The following METTL25 variants were observed in gnomAD, a reference collection of about 807,000 sequenced individuals.
METTL25 encodes methyltransferase like 25, also known as probable methyltransferase-like protein 25.
In METTL25, 64 loss-of-function variants were observed where a neutral mutation model predicts 71.6. The observed-to-expected ratio is 0.89, with a 90% CI of 0.73 to 1.10. The LOEUF (loss-of-function observed/expected upper bound fraction) is 1.10, where lower values mean the gene tolerates loss of function less well. Ranked by LOEUF, METTL25 falls within the 50% of genes least tolerant of loss-of-function variation. METTL25 has a pLI of 0.00. For missense variants in METTL25, 807 were observed against 707.0 expected (o/e 1.14, Z -1.60); for synonymous variants, 287 against 250.3 (o/e 1.15, Z -1.38).
chr12:82,374,020 C>T (rs1236437830), intron 1 of METTL25: 3 of 156,638 alleles, frequency 1.9e-5, no homozygotes, highest in Non-Finnish European at 4.2e-5. Context: ...ATTGTTTGTT[C>T]CTCCCGGTGG....
At chr12:82,405,833 C>T (rs1287303524) in intron 5 of METTL25, among the ~76,000 whole-genome samples, 1 of 152,150 alleles carries the variant, frequency 6.6e-6, no homozygotes, top group Non-Finnish European at 1.5e-5. Context: ...CAGTACTAAG[C>T]ACATTCACTC....
At chr12:82,475,610 C>A (rs2137317255) in intron 9 of METTL25, among the ~76,000 whole-genome samples, 1 of 152,116 alleles carries the variant, frequency 6.6e-6, no homozygotes, top group South Asian at 2.1e-4. Flanking sequence ...TCCAGCCTTT[C>A]ATTTGTTCTG....
rs1406682191 is a variant in METTL25 at position 82,400,903 on chromosome 12, T to C, written c.1131+1509T>C. On this transcript the variant is annotated intron_variant, in intron 4 of 11. Transcript: ENST00000248306. ...ATGATAAATACAATAAAGAATGAGG[T>C]TAAATGTTCTTTTATTTTCTTTAGG... 2.0e-5 allele frequency among the ~76,000 whole-genome samples: 3 copies of C among 152,148 alleles called. No homozygotes were observed. The East Asian group carries it at 5.8e-4, about 29-fold the overall frequency.
intron 3 of METTL25, among the ~76,000 whole-genome samples, chr12:82,391,643 G>A (rs551241348): frequency 2.4e-4 from 36 of 150,768 alleles, no homozygotes; most frequent in Non-Finnish European, 2.8e-4. Flanking sequence ...TGGACACTTA[G>A]GTTGTTTCCG....
At position 82,399,251 on chromosome 12, in the gene METTL25, C is replaced by T; in HGVS notation, c.988C>T (p.Gln330Ter). 6.2e-7 allele frequency: 1 copy of T among 1,613,582 alleles called. No homozygotes were observed. ...INAVEPTSSQ[Q>*]IPNRETSEAN... ...TGCTGTAGAGCCTACTTCTTCACAG[C>T]AAATACCCAACAGAGAAACATCTGA... Residue 330 changes from glutamine (Q) to a stop codon, truncating the protein, a stop_gained, in exon 4 of 12, where the codon CAA becomes TAA. Coordinates refer to ENST00000248306, the MANE Select transcript of METTL25 (RefSeq NM_032230.3). LOFTEE classifies it high-confidence loss of function.
intron 6 of METTL25, among the ~76,000 whole-genome samples, chr12:82,434,458 C>T (rs1263316276): frequency 2.0e-5 from 3 of 151,418 alleles, no homozygotes; most frequent in East Asian, 3.9e-4. Context: ...TTAGAATTGA[C>T]ATTCAAGGAT....
chr12:82,374,696 T>C (rs1043522865), intron 1 of METTL25, among the ~76,000 whole-genome samples: 1 of 152,200 alleles, frequency 6.6e-6, no homozygotes, highest in African/African-American at 2.4e-5. Flanking sequence ...ATTCCAAGTG[T>C]ATAGAACAGT....
chr12:82,474,256 A>G (rs570525314), intron 9 of METTL25, among the ~76,000 whole-genome samples: 1 of 152,164 alleles, frequency 6.6e-6, no homozygotes, highest in Non-Finnish European at 1.5e-5. Context: ...GGCAGATCTC[A>G]TCCAATCAGA....
In METTL25 at chr12:82,398,995, AGAAAG is replaced by A; in HGVS notation, c.738_742del (p.Arg246SerfsTer4). 6.2e-7 allele frequency: 1 copy of A among 1,609,202 alleles called. No individual in the cohort carries two copies. Among genetic ancestry groups the A allele is most frequent in the Non-Finnish European group, 8.5e-7 (1 of 1,177,968 alleles). Reference sequence around the variant, plus strand: ...ATGGACTAGCATTAAAAATGGCAAAAGAAAGGAAAGTGCAAAATAAAGTTAAAAAT... The same window carrying A: ...ATGGACTAGCATTAAAAATGGCAAAAGAAAGTGCAAAATAAAGTTAAAAAT... On this transcript the variant is annotated frameshift_variant, in exon 4 of 12. Transcript: ENST00000248306. LOFTEE classifies it high-confidence loss of function.
At position 82,358,787 on chromosome 12, in the gene METTL25, A is replaced by C; in HGVS notation, c.222A>C (p.Ser74=). ...CGTCGGAGACGGAGGCCCTGCCCTC[A>C]GAGACGCGCCCCCTAGTGGAAGCAG... ...KSASETEALP[S]ETRPLVEAEW... is the part of the protein sequence containing the mutation. The change falls in exon 1 of 12, where the codon TCA becomes TCC. Residue 74 remains serine (S), a synonymous_variant. Transcript: ENST00000248306. 6.2e-7 allele frequency: 1 copy of C among 1,613,582 alleles called. No individual in the cohort carries two copies.
intron 1 of METTL25, among the ~76,000 whole-genome samples, chr12:82,361,584 G>C (rs572322403): frequency 1.3e-5 from 2 of 152,180 alleles, no homozygotes; most frequent in African/African-American, 2.4e-5. Context: ...GCTGAGGCCC[G>C]GTGAGAATTC....
chr12:82,402,776 G>C (rs549154615), intron 4 of METTL25, among the ~76,000 whole-genome samples: 17 of 152,198 alleles, frequency 1.1e-4, no homozygotes, highest in Admixed American at 6.5e-4. Flanking sequence ...CAATGTGCTT[G>C]TAGTCCCAGC....
At chr12:82,472,049 C>G (rs374573048) in intron 9 of METTL25, among the ~76,000 whole-genome samples, 1 of 152,092 alleles carries the variant, frequency 6.6e-6, no homozygotes, top group African/African-American at 2.4e-5. Context: ...GTTTTTGATT[C>G]TTTGAGACGC....
intron 5 of METTL25, among the ~76,000 whole-genome samples, chr12:82,415,085 T>A (rs900667324): frequency 1.1e-4 from 16 of 152,152 alleles, no homozygotes; most frequent in Non-Finnish European, 1.6e-4. Context: ...CCTATCACAG[T>A]GTTTGCCAAA....
chr12:82,378,973 A>C (rs1270236629), intron 1 of METTL25, among the ~76,000 whole-genome samples: 3 of 152,216 alleles, frequency 2.0e-5, no homozygotes, highest in East Asian at 1.9e-4. Flanking sequence ...TCAAGGTTGC[A>C]GTGAGCCATG....
rs1270419017 is a variant in METTL25 at position 82,358,842 on chromosome 12, C to T, written c.259+18C>T. 3 of 1,444,528 alleles carry T rather than the reference C, an allele frequency of 2.1e-6. No individual in the cohort carries two copies. Among genetic ancestry groups the T allele is most frequent in the Non-Finnish European group, 2.9e-6 (3 of 1,050,626 alleles). 89.5% of individuals were successfully genotyped at this position (1,444,528 alleles called of 1,614,324 possible). The stretch of plus-strand genomic sequence containing the variant: ...GGAAGCAGGTGGGTGGTGGGGTAGG[C>T]GGGGCGGGAAGGGAGGCGGAGGAGA... On this transcript the variant is annotated intron_variant, in intron 1 of 11. Transcript: ENST00000248306.
At chr12:82,419,892 C>G (rs1190057047) in intron 5 of METTL25, among the ~76,000 whole-genome samples, 1 of 152,042 alleles carries the variant, frequency 6.6e-6, no homozygotes, top group Non-Finnish European at 1.5e-5. Context: ...AATCGGATCT[C>G]GAAGAGATAT....
chr12:82,466,718 A>C (rs1892258428), intron 9 of METTL25, among the ~76,000 whole-genome samples: 1 of 152,044 alleles, frequency 6.6e-6, no homozygotes, highest in Admixed American at 6.6e-5. Flanking sequence ...TACTGGATTG[A>C]GGTCCATCTG....
At chr12:82,387,692 A>G (rs1565818430) in intron 2 of METTL25, among the ~76,000 whole-genome samples, 1 of 136,876 alleles carries the variant, frequency 7.3e-6, no homozygotes, top group Non-Finnish European at 1.6e-5. Context: ...CATTTGTTGT[A>G]GTTCTCTTCT....
Sources: gnomAD v4.1 joint callset for allele counts (sites outside exome capture counted in the v4.1 genomes callset) on GRCh38, gnomAD v4.1.1 for gene constraint, MANE v1.5 for transcripts, NCBI Gene and HGNC (gene_info 2026-07-23, HGNC 2026-07-21) for gene names.